The following NRG1 variants were observed in gnomAD, a reference collection of about 807,000 sequenced individuals.
NRG1 encodes the protein pro-neuregulin-1, membrane-bound isoform.
NRG1 carries 18 observed loss-of-function variants against 63.8 expected under a neutral mutation model. The observed-to-expected ratio is 0.28, with a 90% CI of 0.19 to 0.42. NRG1 has a LOEUF of 0.42. Ranked by LOEUF, NRG1 falls within the 10% of genes least tolerant of loss-of-function variation. The pLI, the probability that NRG1 is intolerant of heterozygous loss-of-function variation, is 1.00. For synonymous variants in NRG1, 302 were observed against 301.3 expected (o/e 1.00, Z -0.02); for missense variants, 762 against 814.7 (o/e 0.94, Z 0.79).
intron 1 of NRG1, among the ~76,000 whole-genome samples, chr8:32,023,534 T>C (rs772016971): frequency 2.6e-5 from 4 of 152,178 alleles, no homozygotes; most frequent in African/African-American, 4.8e-5. Flanking sequence ...GAAACTCAAC[T>C]TGGCATTTTA....
intron 3 of NRG1, among the ~76,000 whole-genome samples, chr8:32,607,905 G>T (rs1845534800): frequency 6.6e-6 from 1 of 152,074 alleles, no homozygotes. Flanking sequence ...GAATGAGAAT[G>T]AAGAGTCTCA....
At chr8:31,790,013 T>C (rs1820547732) in intron 1 of NRG1, among the ~76,000 whole-genome samples, 1 of 152,142 alleles carries the variant, frequency 6.6e-6, no homozygotes, top group Non-Finnish European at 1.5e-5. Context: ...GGTAAAAGGA[T>C]ATAAGCAAAA....
intron 1 of NRG1, among the ~76,000 whole-genome samples, chr8:32,081,636 T>C (rs1827481943): frequency 6.6e-6 from 1 of 152,132 alleles, no homozygotes; most frequent in Non-Finnish European, 1.5e-5. Context: ...TGTTAAGTCA[T>C]AAGCTAATAT....
At chr8:32,087,239 T>C in intron 1 of NRG1, among the ~76,000 whole-genome samples, 1 of 152,090 alleles carries the variant, frequency 6.6e-6, no homozygotes, top group African/African-American at 2.4e-5. Context: ...AATGGCTTAG[T>C]ACCATCTGCT....
At chr8:32,414,389 T>C (rs1229437631) in intron 1 of NRG1, among the ~76,000 whole-genome samples, 2 of 152,230 alleles carry the variant, frequency 1.3e-5, no homozygotes, top group African/African-American at 2.4e-5. Flanking sequence ...TTAGGGCAAT[T>C]AATGTTCCCA....
intron 1 of NRG1, among the ~76,000 whole-genome samples, chr8:32,322,918 C>T (rs1801585260): frequency 1.3e-5 from 2 of 151,108 alleles, no homozygotes; most frequent in African/African-American, 4.9e-5. Flanking sequence ...ACCTAAGACA[C>T]CAAAGATACT....
At chr8:31,819,236 C>A (rs1823771630) in intron 1 of NRG1, among the ~76,000 whole-genome samples, 1 of 117,310 alleles carries the variant, frequency 8.5e-6, no homozygotes, top group Admixed American at 8.0e-5. Flanking sequence ...CAAGTCCCTG[C>A]CTCTAAAAAT....
intron 5 of NRG1, among the ~76,000 whole-genome samples, chr8:32,701,917 G>C (rs1563981756): frequency 6.6e-6 from 1 of 152,184 alleles, no homozygotes; most frequent in African/African-American, 2.4e-5. Context: ...CCAAGATCAT[G>C]AGATCACAAA....
intron 5 of NRG1, among the ~76,000 whole-genome samples, chr8:32,695,850 T>A (rs1421404391): frequency 6.6e-6 from 1 of 152,140 alleles, no homozygotes; most frequent in Non-Finnish European, 1.5e-5. Flanking sequence ...AACTATATTA[T>A]CCAAATAAGG....
intron 1 of NRG1, among the ~76,000 whole-genome samples, chr8:32,105,072 C>T: frequency 6.6e-6 from 1 of 152,048 alleles, no homozygotes; most frequent in East Asian, 1.9e-4. Flanking sequence ...AGTGGTAGTG[C>T]AGTAGGTATG....
chr8:32,137,057 G>A (rs373696702), intron 1 of NRG1, among the ~76,000 whole-genome samples: 118 of 152,054 alleles, frequency 7.8e-4, no homozygotes, highest in African/African-American at 2.7e-3. Flanking sequence ...ATAAACATGG[G>A]GGTTTTTTTT....
chr8:31,846,105 G>A (rs910296877), intron 1 of NRG1, among the ~76,000 whole-genome samples: 1 of 152,158 alleles, frequency 6.6e-6, no homozygotes, highest in Non-Finnish European at 1.5e-5. Context: ...TTCACCCAAG[G>A]TTTTAAAATA....
chr8:31,757,650 T>G (rs1817107847), intron 1 of NRG1, among the ~76,000 whole-genome samples: 1 of 152,070 alleles, frequency 6.6e-6, no homozygotes, highest in Non-Finnish European at 1.5e-5. Flanking sequence ...CTTTCCTCAG[T>G]TTATGTCCTG....
chr8:32,708,124 CTTATA>C (rs1453375497), intron 5 of NRG1, among the ~76,000 whole-genome samples: 1 of 152,004 alleles, frequency 6.6e-6, no homozygotes, highest in Non-Finnish European at 1.5e-5. Context: ...CCTTTCCTAA[CTTATA>C]TTATCTTATG....
chr8:32,670,561 C>T (rs1263413982), intron 5 of NRG1, among the ~76,000 whole-genome samples: 1 of 152,110 alleles, frequency 6.6e-6, no homozygotes. Flanking sequence ...TCTCTGGGAA[C>T]AGGGAAACAT....
At chr8:32,448,692 T>C (rs1452232310) in intron 1 of NRG1, among the ~76,000 whole-genome samples, 2 of 152,192 alleles carry the variant, frequency 1.3e-5, no homozygotes, top group East Asian at 1.9e-4. Flanking sequence ...GTGTAAACAA[T>C]GGGAGGGAGG....
chr8:32,267,858 C>T (rs555984542), intron 1 of NRG1, among the ~76,000 whole-genome samples: 29 of 152,276 alleles, frequency 1.9e-4, no homozygotes, highest in Non-Finnish European at 3.7e-4. Context: ...TTTTGGGTGA[C>T]AGTTTAAGAT....
At chr8:32,108,581 A>G (rs935807310) in intron 1 of NRG1, among the ~76,000 whole-genome samples, 8 of 152,056 alleles carry the variant, frequency 5.3e-5, no homozygotes, top group African/African-American at 1.9e-4. Context: ...TAATCAAACC[A>G]TATTATTACT....
At chr8:32,344,979 A>G (rs1804695131) in intron 1 of NRG1, among the ~76,000 whole-genome samples, 1 of 152,098 alleles carries the variant, frequency 6.6e-6, no homozygotes, top group Non-Finnish European at 1.5e-5. Context: ...GGCTTTATAC[A>G]CAAGAAGCTA....
Sources: allele counts gnomAD v4.1 joint callset (sites outside exome capture counted in the v4.1 genomes callset), GRCh38; gene constraint gnomAD v4.1.1; transcripts MANE v1.5; gene names NCBI Gene and HGNC (gene_info 2026-07-23, HGNC 2026-07-21).